SPEG: variants seen among roughly 807,000 people sequenced by gnomAD.
The protein encoded by SPEG is striated muscle preferentially expressed protein kinase.
A neutral mutation model predicts 300.4 loss-of-function variants in SPEG; 114 were observed. The ratio of observed to expected loss-of-function variants is 0.38; its 90% CI spans 0.33 to 0.44. The LOEUF is 0.44. SPEG is among the 20% of genes least tolerant of loss of function. SPEG has a pLI of 1.00. For missense variants in SPEG, 4,201 were observed against 4,586.2 expected (o/e 0.92, Z 2.43); for synonymous variants, 1,964 against 2,018.9 (o/e 0.97, Z 0.73).
At chr2:219,466,701 T>G in intron 9 of SPEG, 2 of 998,924 alleles carry the variant, frequency 2.0e-6, no homozygotes, top group African/African-American at 1.7e-5. Context: ...TAGGGCCCAT[T>G]TGGGGCCCCC....
At chr2:219,442,551 G>T (rs1258404806) in intron 1 of SPEG, among the ~76,000 whole-genome samples, 1 of 149,444 alleles carries the variant, frequency 6.7e-6, no homozygotes, top group Non-Finnish European at 1.5e-5. Flanking sequence ...GCCCTGCCCT[G>T]TCCTCCGCGC....
At position 219,448,127 on chromosome 2, in the gene SPEG, A is replaced by C. The variant is rs767092796; in HGVS notation, c.969A>C (p.Gly323=). 5.6e-6 allele frequency: 9 copies of C among 1,604,364 alleles called. No individual in the cohort carries two copies. Among genetic ancestry groups the C allele is most frequent in the Non-Finnish European group, 7.7e-6 (9 of 1,175,664 alleles). The change falls in exon 4 of 41, where the codon GGA becomes GGC. Residue 323 remains glycine (G), a synonymous_variant. Transcript: ENST00000312358. Reference sequence around the variant, plus strand: ...GGGTCGGGAAGCGGTCCCCGCCGGGACCCCCGGCCCAGCCCGCGGCCACCC... The same window carrying C: ...GGGTCGGGAAGCGGTCCCCGCCGGGCCCCCCGGCCCAGCCCGCGGCCACCC... ...SPRVGKRSPP[G]PPAQPAATPT...
chr2:219,435,115 G>T lies in SPEG; in HGVS notation c.138G>T (p.Leu46=), dbSNP rs1954679424. 2 of 1,455,726 alleles carry T rather than the reference G, an allele frequency of 1.4e-6. No homozygotes were observed. Among genetic ancestry groups the T allele is most frequent in the African/African-American group, 1.5e-5 (1 of 67,298 alleles). 90.2% of individuals were successfully genotyped at this position (1,455,726 alleles called of 1,614,324 possible). The change falls in exon 1 of 41, where the codon CTG becomes CTT. Residue 46 remains leucine, a synonymous_variant. Coordinates refer to ENST00000312358, the MANE Select transcript of SPEG (RefSeq NM_005876.5). ...PVAVAGAPVF[L]RPLKNAAVCA... ...CCGTGGCCGGGGCGCCAGTCTTCCT[G>T]CGGCCCCTGAAGAACGCGGCGGTGT...
In SPEG at chr2:219,445,478, C is replaced by G. The variant is rs1575046197; in HGVS notation, c.815+317C>G. On this transcript the variant is annotated intron_variant, in intron 3 of 40. Transcript: ENST00000312358. This position sits in a 1 kb window ranked among gnomAD's most constrained non-coding sequence, Gnocchi z 6.1. Reference sequence around the variant, plus strand: ...CCCTCTTTTGCCTCACCCATTTGGGCTCCAGTTGTCCCCAGGATCCCTCCC... The same window carrying G: ...CCCTCTTTTGCCTCACCCATTTGGGGTCCAGTTGTCCCCAGGATCCCTCCC... 1 of 427,728 alleles carries G rather than the reference C, an allele frequency of 2.3e-6. No individual in the cohort carries two copies. The highest frequency in any genetic ancestry group is 4.6e-5 in the East Asian group (1 of 21,844). 26.5% of individuals were successfully genotyped at this position (427,728 alleles called of 1,614,324 possible). A position where few individuals can be genotyped will look rare whatever the true frequency, so the allele number is the denominator to read the frequency against.
In SPEG at chr2:219,473,689, G is replaced by C. The variant is rs761164066; in HGVS notation, c.4272-39G>C. 6.2e-7 allele frequency: 1 copy of C among 1,613,102 alleles called. No homozygotes were observed. The highest frequency in any genetic ancestry group is 8.5e-7 in the Non-Finnish European group (1 of 1,179,398). On this transcript the variant is annotated intron_variant, in intron 17 of 40. Transcript: ENST00000312358. The surrounding 1 kb of genome is among the most constrained non-coding windows in gnomAD (Gnocchi z 4.6). Reference sequence around the variant, plus strand: ...GCCCAGCCTGGCCGGAATGCCCTGGGGCAAGATCTGGGTGACCTCCCTGTC... The same window carrying C: ...GCCCAGCCTGGCCGGAATGCCCTGGCGCAAGATCTGGGTGACCTCCCTGTC...
rs1424926081 is a variant in SPEG at position 219,493,220 on chromosome 2, G to A, written c.*434G>A. On this transcript the variant is annotated 3_prime_UTR_variant, in exon 41 of 41. Coordinates refer to ENST00000312358, the MANE Select transcript of SPEG (RefSeq NM_005876.5). ...AGGGCAGTAGGCTGGGAGTCAGTGT[G>A]GCAAAGCGGGGGCAGGACACAGATA... 4 of 371,536 alleles carry A rather than the reference G, an allele frequency of 1.1e-5. No homozygotes were observed. The highest frequency in any genetic ancestry group is 3.6e-5 in the Admixed American group (1 of 27,434). The allele number at this position is 371,536 out of a possible 1,614,324, so 23.0% of individuals were successfully genotyped here. A position where few individuals can be genotyped will look rare whatever the true frequency, so the allele number is the denominator to read the frequency against.
chr2:219,472,063 G>C lies in SPEG; in HGVS notation c.3835+76G>C. ...ACTACGTGGGGGCTCAGGGAAAGGG[G>C]CCTCCACCCAGCTCCCTTCCCCTCC... On this transcript the variant is annotated intron_variant, in intron 14 of 40. Coordinates refer to ENST00000312358, the MANE Select transcript of SPEG (RefSeq NM_005876.5). 2.5e-6 allele frequency: 4 copies of C among 1,578,832 alleles called. No individual in the cohort carries two copies. The South Asian group carries it at 4.5e-5, about 18-fold the overall frequency.
chr2:219,492,014 A>G (rs1694019937), intron 39 of SPEG, 97 bp from the exon 40 acceptor site: 2 of 1,424,178 alleles, frequency 1.4e-6, no homozygotes, highest in South Asian at 2.6e-5. Context: ...GCACAGTAGC[A>G]TGGCCCTGAG....
rs1689517569 is a variant in SPEG, at chr2:219,448,830, C to T, written c.1672C>T (p.Pro558Ser). The T allele has an allele frequency of 1.4e-6, 2 of 1,400,164 alleles. No individual in the cohort carries two copies. The highest frequency in any genetic ancestry group is 1.6e-5 in the South Asian group (1 of 63,830). The allele number at this position is 1,400,164 out of a possible 1,614,324, so 86.7% of individuals were successfully genotyped here. The change falls in exon 4 of 41, where the codon CCG (proline) becomes TCG (serine). Residue 558 changes from proline to serine, a missense_variant. Pro to Ser is a moderately conservative substitution (Grantham distance 74). This residue lies in a region of SPEG where 1,258 missense variants were observed against 1,293.9 expected (regional missense o/e 0.97). Coordinates refer to ENST00000312358, the MANE Select transcript of SPEG (RefSeq NM_005876.5). ...CCCCGCCGCCGCCCAGCCGCCCTCT[C>T]CGAGCAGCGCGGAGAAGCCGGGGGA... Reference protein sequence around the residue: ...VSPAAAQPPSPSSAEKPGDEP... With the variant: ...VSPAAAQPPSSSSAEKPGDEP...
At chr2:219,488,071 T>G in intron 31 of SPEG, 123 bp from the exon 32 acceptor site, 1 of 679,036 alleles carries the variant, frequency 1.5e-6, no homozygotes, top group Non-Finnish European at 2.6e-6. Context: ...CACATCTGCC[T>G]GGGAAGAGAC....
At chr2:219,471,565 C>T (rs945093746) in intron 13 of SPEG, 1 of 399,110 alleles carries the variant, frequency 2.5e-6, no homozygotes, top group Non-Finnish European at 4.6e-6. Context: ...AGGCAGGGAC[C>T]CCAGAGGGTG....
intron 9 of SPEG, chr2:219,465,602 G>A (rs1002826614): frequency 2.3e-5 from 5 of 215,930 alleles, no homozygotes; most frequent in Non-Finnish European, 4.6e-5. Flanking sequence ...CCAGGCTTTG[G>A]GGTGCTCCTG....
Position 219,471,970 on chromosome 2 carries a change from C to G in SPEG, c.3818C>G (p.Ala1273Gly). Residue 1273 changes from alanine to glycine, a missense_variant, in exon 14 of 41, where the codon GCC becomes GGC. This residue lies in a region of SPEG where 1,047 missense variants were observed against 1,356.8 expected (regional missense o/e 0.77). Coordinates refer to ENST00000312358, the MANE Select transcript of SPEG (RefSeq NM_005876.5). Reference protein sequence around the residue: ...ANKLGKAACYAHLYVTDVVPG... With the variant: ...ANKLGKAACYGHLYVTDVVPG... ...AAGCTGGGCAAAGCTGCCTGCTATG[C>G]CCACCTGTATGTCACAGGTGAGGCA... 1 of 1,612,910 alleles carries G rather than the reference C, an allele frequency of 6.2e-7. No homozygotes were observed. The highest frequency in any genetic ancestry group is 1.1e-5 in the South Asian group (1 of 91,076).
rs537344552 is a variant in SPEG, at chr2:219,438,405, A to G, written c.388+3040A>G. 2.6e-5 allele frequency among the ~76,000 whole-genome samples: 4 copies of G among 152,274 alleles called. No homozygotes were observed. In the South Asian group the frequency reaches 6.2e-4, roughly 24 times the overall value. On this transcript the variant is annotated intron_variant, in intron 1 of 40. Coordinates refer to ENST00000312358, the MANE Select transcript of SPEG (RefSeq NM_005876.5). ...GCCAGGTATCTGAGTCTGGGTCCAT[A>G]CTGCTTGTCCACAGAAAGAGAAGTG... is the stretch of plus-strand genomic sequence containing the variant.
In SPEG at chr2:219,488,668, G is replaced by A. The variant is rs771509930; in HGVS notation, c.8026+3G>A. The A allele has an allele frequency of 2.5e-6, 4 of 1,600,822 alleles. No individual in the cohort carries two copies. The South Asian group carries it at 4.5e-5, about 18-fold the overall frequency. ...CTCCTGTACCGTGGCTGTGGCCCGT[G>A]AGCCTGGGGCAGGGCCCCAGGGGGG... On this transcript the variant is annotated splice_donor_region_variant and intron_variant, in intron 33 of 40. Coordinates refer to ENST00000312358, the MANE Select transcript of SPEG (RefSeq NM_005876.5).
intron 6 of SPEG, chr2:219,461,499 C>T (rs1462986928): frequency 5.5e-6 from 6 of 1,085,350 alleles, no homozygotes; most frequent in African/African-American, 1.7e-5. Context: ...CCTGCTTCCC[C>T]TGCTTTTGGA....
chr2:219,477,357 G>A lies in SPEG; in HGVS notation c.4641G>A (p.Thr1547=), dbSNP rs556545308. 11 of 1,613,218 alleles carry A rather than the reference G, an allele frequency of 6.8e-6. No individual in the cohort carries two copies. The highest frequency in any genetic ancestry group is 6.7e-5 in the East Asian group (3 of 44,856). The change falls in exon 20 of 41, where the codon ACG becomes ACA. Residue 1547 remains threonine, a synonymous_variant. Transcript: ENST00000312358. This position sits in a 1 kb window ranked among gnomAD's most constrained non-coding sequence, Gnocchi z 6.4. Reference sequence around the variant, plus strand: ...AGTGCTCCCTGGTGGTGCTCAGCACGGGGGCCCAGGATGGAGGCGTCTACA... The same window carrying A: ...AGTGCTCCCTGGTGGTGCTCAGCACAGGGGCCCAGGATGGAGGCGTCTACA... ...ENECSLVVLS[T]GAQDGGVYTC...
Position 219,464,155 on chromosome 2 carries a change from A to C in SPEG, c.2706-278A>C, listed in dbSNP as rs577596381. Among the ~76,000 whole-genome samples the C allele has an allele frequency of 7.9e-4, 120 of 151,694 alleles. No homozygotes were observed. The highest frequency in any genetic ancestry group is 6.8e-3 in the Middle Eastern group (2 of 294). On this transcript the variant is annotated intron_variant, in intron 8 of 40. Transcript: ENST00000312358. This position sits in a 1 kb window ranked among gnomAD's most constrained non-coding sequence, Gnocchi z 4.5. ...AAAAAAAAGACAAGAAAAAAGAGCT[A>C]AATAGCACGGCTCCACTCTGAATGC... is the stretch of plus-strand genomic sequence containing the variant.
chr2:219,477,554 C>G lies in SPEG; in HGVS notation c.4729+109C>G. ...AGCCCTGGACTCGAGCCACCACACC[C>G]CCAGCCCAGCACCCCGCCTTGAGCC... On this transcript the variant is annotated intron_variant, in intron 20 of 40. Transcript: ENST00000312358. The surrounding 1 kb of genome is among the most constrained non-coding windows in gnomAD (Gnocchi z 6.4). The G allele has an allele frequency of 7.2e-7, 1 of 1,381,228 alleles. No individual in the cohort carries two copies. The highest frequency in any genetic ancestry group is 9.8e-7 in the Non-Finnish European group (1 of 1,022,526). The allele number at this position is 1,381,228 out of a possible 1,614,324, so 85.6% of individuals were successfully genotyped here. A position where few individuals can be genotyped will look rare whatever the true frequency, so the allele number is the denominator to read the frequency against.
Sources: gnomAD v4.1 joint callset for allele counts (sites outside exome capture counted in the v4.1 genomes callset) on GRCh38, gnomAD v4.1.1 for gene constraint, gnomAD v4.1.1 regional missense constraint, Gnocchi (gnomAD v3.1) non-coding constraint, MANE v1.5 for transcripts, NCBI Gene and HGNC (gene_info 2026-07-23, HGNC 2026-07-21) for gene names.